CORO6: variants seen among roughly 807,000 people sequenced by gnomAD.
The protein encoded by CORO6 is coronin 6, also known as coronin-6.
A neutral mutation model predicts 49.0 loss-of-function variants in CORO6; 43 were observed. The observed-to-expected ratio is 0.88, with a 90% confidence interval of 0.69 to 1.13. CORO6 has a LOEUF of 1.13. Ranked by LOEUF, CORO6 falls within the 50% of genes most tolerant of loss-of-function variation. CORO6 has a pLI of 0.00. For synonymous variants in CORO6, 233 were observed against 256.5 expected (o/e 0.91, Z 0.88); for missense variants, 650 against 647.0 (o/e 1.00, Z -0.05).
rs3809792 is a variant in CORO6, at chr17:29,617,127, G to A, written c.754-85C>T. On this transcript the variant is annotated intron_variant, in intron 6 of 10. Transcript: ENST00000388767. ...CCCCAGAAGCCCCTTTACGCTTCCT[G>A]GCCTTCCCAAACCCTATGCCCCAAA... 595 of 1,583,400 alleles carry A rather than the reference G, an allele frequency of 3.8e-4. 4 individuals are homozygous for A. The East Asian group carries it at 0.011, about 29-fold the overall frequency.
chr17:29,619,713 T>C lies in CORO6; in HGVS notation c.259A>G (p.Ile87Val), dbSNP rs2035210090. The change falls in exon 3 of 11, where the codon ATT becomes GTT. Residue 87 changes from isoleucine (I) to valine (V), a missense_variant. Physicochemically the swap from Ile to Val is conservative, Grantham distance 29 (BLOSUM62 3). Coordinates refer to ENST00000388767, the MANE Select transcript of CORO6 (RefSeq NM_032854.4). ...TTGTCATTGTGTGGACACCAGTCAATATCCAGCACAGGGGCAGTGTGCCCA... is the reference window on the plus strand; with the variant it reads ...TTGTCATTGTGTGGACACCAGTCAACATCCAGCACAGGGGCAGTGTGCCCA... ...VTGHTAPVLDIDWCPHNDNVI... is the reference protein window; with the variant it reads ...VTGHTAPVLDVDWCPHNDNVI... 3 of 1,613,232 alleles carry C rather than the reference T, an allele frequency of 1.9e-6. No individual in the cohort carries two copies. The highest frequency in any genetic ancestry group is 2.5e-6 in the Non-Finnish European group (3 of 1,179,324).
At position 29,616,345 on chromosome 17, in the gene CORO6, G is replaced by C. The variant is rs2034910026; in HGVS notation, c.1005-9C>G. 1 of 1,597,810 alleles carries C rather than the reference G, an allele frequency of 6.3e-7. No homozygotes were observed. The highest frequency in any genetic ancestry group is 8.5e-7 in the Non-Finnish European group (1 of 1,171,368). ...CGTGTAGCTTGTAGAACCTATAAGGGAGCAGGGTTCAGCACCCTCGCAGAC... is the reference window on the plus strand; with the variant it reads ...CGTGTAGCTTGTAGAACCTATAAGGCAGCAGGGTTCAGCACCCTCGCAGAC... On this transcript the variant is annotated splice_polypyrimidine_tract_variant and intron_variant, in intron 8 of 10. Coordinates refer to ENST00000388767, the MANE Select transcript of CORO6 (RefSeq NM_032854.4). The surrounding 1 kb of genome is among the most constrained non-coding windows in gnomAD (Gnocchi z 5.6).
In CORO6 at chr17:29,616,671, T is replaced by C. The variant is rs776247867; in HGVS notation, c.1004+31A>G. 2 of 1,565,580 alleles carry C rather than the reference T, an allele frequency of 1.3e-6. No homozygotes were observed. The highest frequency in any genetic ancestry group is 2.3e-5 in the East Asian group (1 of 43,274). Reference sequence around the variant, plus strand: ...GACATGAGTGGGGGACAGAGGCGGGTAGGTGTTCAGGAGGGGCCAAGGCTG... The same window carrying C: ...GACATGAGTGGGGGACAGAGGCGGGCAGGTGTTCAGGAGGGGCCAAGGCTG... On this transcript the variant is annotated intron_variant, in intron 8 of 10. Coordinates refer to ENST00000388767, the MANE Select transcript of CORO6 (RefSeq NM_032854.4). This position sits in a 1 kb window ranked among gnomAD's most constrained non-coding sequence, Gnocchi z 5.6.
rs1473782072 is a variant in CORO6, at chr17:29,615,424, G to A, written c.*308C>T. The A allele has an allele frequency of 1.7e-5, 6 of 359,690 alleles. No homozygotes were observed. The allele number at this position is 359,690 out of a possible 1,614,324, so 22.3% of individuals were successfully genotyped here. The stretch of plus-strand genomic sequence containing the variant: ...TAATACTAAGCACTTTCCCTGCCCT[G>A]GGCGGAGGACAAAGGGGGACACCAC... On this transcript the variant is annotated 3_prime_UTR_variant, in exon 11 of 11. Coordinates refer to ENST00000388767, the MANE Select transcript of CORO6 (RefSeq NM_032854.4).
At position 29,616,469 on chromosome 17, in the gene CORO6, G is replaced by T; in HGVS notation, c.1005-133C>A. 1.1e-6 allele frequency: 1 copy of T among 941,900 alleles called. No homozygotes were observed. The highest frequency in any genetic ancestry group is 1.6e-6 in the Non-Finnish European group (1 of 632,672). 58.3% of individuals were successfully genotyped at this position (941,900 alleles called of 1,614,324 possible). On this transcript the variant is annotated intron_variant, in intron 8 of 10. Coordinates refer to ENST00000388767, the MANE Select transcript of CORO6 (RefSeq NM_032854.4). This position sits in a 1 kb window ranked among gnomAD's most constrained non-coding sequence, Gnocchi z 5.6. ...ATATTGCACATTACACACATTATTGGTTCTGCAATAAAACACCCTGATGGT... is the reference window on the plus strand; with the variant it reads ...ATATTGCACATTACACACATTATTGTTTCTGCAATAAAACACCCTGATGGT...
At position 29,616,339 on chromosome 17, in the gene CORO6, A is replaced by G. The variant is rs763101202; in HGVS notation, c.1005-3T>C. 5.6e-6 allele frequency: 9 copies of G among 1,600,592 alleles called. No individual in the cohort carries two copies. The highest frequency in any genetic ancestry group is 5.1e-5 in the Admixed American group (3 of 58,326). ...TTCTTTCGTGTAGCTTGTAGAACCT[A>G]TAAGGGAGCAGGGTTCAGCACCCTC... On this transcript the variant is annotated splice_polypyrimidine_tract_variant and splice_region_variant and intron_variant, in intron 8 of 10. Coordinates refer to ENST00000388767, the MANE Select transcript of CORO6 (RefSeq NM_032854.4). This position sits in a 1 kb window ranked among gnomAD's most constrained non-coding sequence, Gnocchi z 5.6.
intron 5 of CORO6, chr17:29,618,565 G>A: frequency 7.2e-7 from 1 of 1,381,478 alleles, no homozygotes; most frequent in Admixed American, 3.2e-5. Flanking sequence ...CTTCTGAGAT[G>A]CAAGGGAGGG....
chr17:29,620,365 C>T (rs1026366736), intron 2 of CORO6, among the ~76,000 whole-genome samples: 10 of 152,164 alleles, frequency 6.6e-5, no homozygotes, highest in African/African-American at 2.2e-4. Flanking sequence ...GACCAGGCAG[C>T]GGGGGAGAGG....
chr17:29,618,177 G>C, intron 5 of CORO6: 1 of 1,358,478 alleles, frequency 7.4e-7, no homozygotes, highest in Non-Finnish European at 9.4e-7. Flanking sequence ...CCTGCTCGCC[G>C]GGTTAGTGGG....
rs1001741096 is a variant in CORO6 at position 29,618,431 on chromosome 17, G to A, written c.633+359C>T. The A allele has an allele frequency of 4.2e-5, 54 of 1,278,182 alleles. No homozygotes were observed. In the African/African-American group the frequency reaches 7.5e-4, roughly 18 times the overall value. The allele number at this position is 1,278,182 out of a possible 1,614,324, so 79.2% of individuals were successfully genotyped here. A position where few individuals can be genotyped will look rare whatever the true frequency, so the allele number is the denominator to read the frequency against. ...TGTCAGGCCCCAGACCCTGGAAGAT[G>A]CGTCTGGGTGCCGGCTGAGAGGAGA... On this transcript the variant is annotated intron_variant, in intron 5 of 10. Transcript: ENST00000388767.
chr17:29,619,191 T>G lies in CORO6; in HGVS notation c.322-2A>C. On this transcript the variant is annotated splice_acceptor_variant, in intron 3 of 10. Coordinates refer to ENST00000388767, the MANE Select transcript of CORO6 (RefSeq NM_032854.4). LOFTEE classifies it high-confidence loss of function. The stretch of plus-strand genomic sequence containing the variant: ...GGTATAGTCTGGAATCTGCCACACC[T>G]GGGTAGGAAGAAAAGGTATATGGTG... 3 of 1,613,300 alleles carry G rather than the reference T, an allele frequency of 1.9e-6. No individual in the cohort carries two copies. Among genetic ancestry groups the G allele is most frequent in the Non-Finnish European group, 2.5e-6 (3 of 1,179,824 alleles).
chr17:29,621,847 C>T lies in CORO6; in HGVS notation c.-63-363G>A. Reference sequence around the variant, plus strand: ...CGGACGTGGTTGTAGCTCCCAGAGGCACCCTGTCCAGAAGCAGAAGACTTG... The same window carrying T: ...CGGACGTGGTTGTAGCTCCCAGAGGTACCCTGTCCAGAAGCAGAAGACTTG... On this transcript the variant is annotated intron_variant, in intron 1 of 10. Coordinates refer to ENST00000388767, the MANE Select transcript of CORO6 (RefSeq NM_032854.4). This position sits in a 1 kb window ranked among gnomAD's most constrained non-coding sequence, Gnocchi z 4.2. 4.6e-6 allele frequency: 1 copy of T among 216,054 alleles called. No homozygotes were observed. Among genetic ancestry groups the T allele is most frequent in the Non-Finnish European group, 9.5e-6 (1 of 105,012 alleles). 13.4% of individuals were successfully genotyped at this position (216,054 alleles called of 1,614,324 possible).
Position 29,616,971 on chromosome 17 carries a change from A to G in CORO6, c.825T>C (p.Asp275=). The change falls in exon 7 of 11, where the codon GAT becomes GAC. Residue 275 remains aspartate, a synonymous_variant. Transcript: ENST00000388767. The surrounding 1 kb of genome is among the most constrained non-coding windows in gnomAD (Gnocchi z 5.6). ...TSNGVLLPFY[D]PDSSIVYLCG... is the part of the protein sequence containing the mutation. ...ACAGGTAGACGATGCTGGAGTCGGG[A>G]TCGTAAAAGGGCAATAGGACCCCGT... is the stretch of plus-strand genomic sequence containing the variant. 1 of 1,613,662 alleles carries G rather than the reference A, an allele frequency of 6.2e-7. No homozygotes were observed. The highest frequency in any genetic ancestry group is 8.5e-7 in the Non-Finnish European group (1 of 1,179,982).
rs1000990246 is a variant in CORO6, at chr17:29,622,768, G to T, written c.-144C>A. On this transcript the variant is annotated 5_prime_UTR_variant, in exon 1 of 11. Transcript: ENST00000388767. ...CCGAGTGCGTAGGGGGCCGAGGAAG[G>T]CTTCAGGGCGAAGGAGCCACCTCTC... 7.6e-7 allele frequency: 1 copy of T among 1,322,742 alleles called. No homozygotes were observed. 81.9% of individuals were successfully genotyped at this position (1,322,742 alleles called of 1,614,324 possible).
intron 6 of CORO6, 199 bp downstream of exon 6, chr17:29,617,301 G>A (rs535541264): frequency 9.8e-6 from 15 of 1,527,990 alleles, no homozygotes; most frequent in Non-Finnish European, 1.2e-5. Flanking sequence ...ATCACCAGGT[G>A]GGGGCGCCAG....
chr17:29,621,621 T>C lies in CORO6; in HGVS notation c.-63-137A>G. On this transcript the variant is annotated intron_variant, in intron 1 of 10. Coordinates refer to ENST00000388767, the MANE Select transcript of CORO6 (RefSeq NM_032854.4). This position sits in a 1 kb window ranked among gnomAD's most constrained non-coding sequence, Gnocchi z 4.2. ...GGTGGTCAAAGTATGGGAAAGTTAT[T>C]TTGCTGTGTAAAATGCTGTTTAATG... The C allele has an allele frequency of 1.1e-6, 1 of 928,590 alleles. No individual in the cohort carries two copies. The highest frequency in any genetic ancestry group is 1.6e-6 in the Non-Finnish European group (1 of 635,986). 57.5% of individuals were successfully genotyped at this position (928,590 alleles called of 1,614,324 possible).
Position 29,619,130 on chromosome 17 carries a change from A to C in CORO6, c.381T>G (p.Leu127=). ...MRNITEPIIT[L]EGHSKRVGIL... The stretch of plus-strand genomic sequence containing the variant: ...TGCCCACACGCTTGGAGTGGCCCTC[A>C]AGTGTGATGATAGGTTCCGTAATGT... The change falls in exon 4 of 11, where the codon CTT becomes CTG. Residue 127 remains leucine, a synonymous_variant. Coordinates refer to ENST00000388767, the MANE Select transcript of CORO6 (RefSeq NM_032854.4). The C allele has an allele frequency of 3.7e-6, 6 of 1,613,756 alleles. No homozygotes were observed. Among genetic ancestry groups the C allele is most frequent in the Non-Finnish European group, 5.1e-6 (6 of 1,179,960 alleles).
rs758461627 is a variant in CORO6 at position 29,619,687 on chromosome 17, G to A, written c.285C>T (p.Asn95=). Residue 95 remains asparagine, a synonymous_variant, in exon 3 of 11, where the codon AAC becomes AAT. Transcript: ENST00000388767. ...LDIDWCPHND[N]VIASASDDTT... is the part of the protein sequence containing the mutation. ...TGTCGTCTGAGGCACTGGCGATAAC[G>A]TTGTCATTGTGTGGACACCAGTCAA... The A allele has an allele frequency of 5.6e-6, 9 of 1,613,618 alleles. No homozygotes were observed. The highest frequency in any genetic ancestry group is 3.3e-5 in the Admixed American group (2 of 60,018).
At chr17:29,619,827 A>G in intron 2 of CORO6, 54 bp from the exon 3 acceptor site, 1 of 1,548,176 alleles carries the variant, frequency 6.5e-7, no homozygotes. Context: ...TTTTTTGGGG[A>G]GTGGGTAGCA....
Sources: gnomAD v4.1 joint callset for allele counts (sites outside exome capture counted in the v4.1 genomes callset) on GRCh38, gnomAD v4.1.1 for gene constraint, Gnocchi (gnomAD v3.1) non-coding constraint, MANE v1.5 for transcripts, NCBI Gene and HGNC (gene_info 2026-07-23, HGNC 2026-07-21) for gene names.